CDH13: variants seen among roughly 807,000 people sequenced by gnomAD.
CDH13 encodes cadherin 13, also known as cadherin-13.
CDH13 carries 24 observed loss-of-function variants against 63.8 expected under a neutral mutation model. The observed-to-expected ratio is 0.38, with a 90% CI of 0.27 to 0.53. The LOEUF (loss-of-function observed/expected upper bound fraction) is 0.53. CDH13 is among the 20% of genes least tolerant of loss of function. CDH13 has a pLI of 0.85. For synonymous variants in CDH13, 503 were observed against 355.3 expected, an observed-to-expected ratio of 1.42 and a Z score of -4.67; for missense variants, 1,049 against 903.1, an observed-to-expected ratio of 1.16 and a Z score of -2.07.
chr16:83,515,314 A>T (rs902368442), intron 7 of CDH13, among the ~76,000 whole-genome samples: 1 of 152,184 alleles, frequency 6.6e-6, no homozygotes, highest in Non-Finnish European at 1.5e-5. Context: ...CATTTGCACG[A>T]CATTTCTCTT....
At chr16:83,587,632 T>A (rs930173529) in intron 7 of CDH13, among the ~76,000 whole-genome samples, 2 of 152,178 alleles carry the variant, frequency 1.3e-5, no homozygotes, top group Non-Finnish European at 2.9e-5. Flanking sequence ...AAGAATCACC[T>A]TGCTATTTTA....
intron 5 of CDH13, among the ~76,000 whole-genome samples, chr16:83,285,001 A>T (rs2089273180): frequency 6.6e-6 from 1 of 152,102 alleles, no homozygotes; most frequent in African/African-American, 2.4e-5. Flanking sequence ...TCCCTGCACA[A>T]ATGTTAACTC....
chr16:83,415,461 G>T (rs996014805), intron 6 of CDH13, among the ~76,000 whole-genome samples: 1 of 151,992 alleles, frequency 6.6e-6, no homozygotes, highest in African/African-American at 2.4e-5. Flanking sequence ...AACACCACAA[G>T]AAAAGAAAAC....
intron 4 of CDH13, among the ~76,000 whole-genome samples, chr16:83,201,939 A>C (rs1013069285): frequency 6.6e-6 from 1 of 152,050 alleles, no homozygotes; most frequent in African/African-American, 2.4e-5. Context: ...AAGATTGAGT[A>C]ATGTCAGAGA....
At chr16:82,999,826 C>G (rs59516326) in intron 2 of CDH13, among the ~76,000 whole-genome samples, 2 of 152,296 alleles carry the variant, frequency 1.3e-5, no homozygotes, top group South Asian at 2.1e-4. Flanking sequence ...GACGCTGCCT[C>G]TGCGGTCCTT....
At chr16:82,873,407 A>G (rs758184356) in intron 2 of CDH13, among the ~76,000 whole-genome samples, 1 of 152,196 alleles carries the variant, frequency 6.6e-6, no homozygotes, top group African/African-American at 2.4e-5. Flanking sequence ...ATCTTTCCAT[A>G]TGGAATGCTG....
chr16:83,077,816 C>T (rs191337304), intron 3 of CDH13, among the ~76,000 whole-genome samples: 133 of 152,254 alleles, frequency 8.7e-4, no homozygotes, highest in African/African-American at 3.0e-3. Context: ...GATCCTCTTC[C>T]GGATAACGCG....
chr16:83,475,731 G>A (rs766969069), intron 6 of CDH13, among the ~76,000 whole-genome samples: 8 of 152,096 alleles, frequency 5.3e-5, no homozygotes, highest in Non-Finnish European at 8.8e-5. Flanking sequence ...ACAGGGACAT[G>A]CCACCACGTT....
At chr16:83,392,588 C>T (rs927671159) in intron 6 of CDH13, among the ~76,000 whole-genome samples, 1 of 152,160 alleles carries the variant, frequency 6.6e-6, no homozygotes, top group Non-Finnish European at 1.5e-5. Context: ...CTTAGGTGTG[C>T]ACACAGAAGG....
At chr16:82,811,174 C>T (rs2037424668) in intron 1 of CDH13, among the ~76,000 whole-genome samples, 1 of 152,168 alleles carries the variant, frequency 6.6e-6, no homozygotes, top group Non-Finnish European at 1.5e-5. Flanking sequence ...CTTGTCAAAG[C>T]TGATTACGCG....
chr16:83,068,503 G>A (rs550786408), intron 3 of CDH13, among the ~76,000 whole-genome samples: 11 of 152,194 alleles, frequency 7.2e-5, no homozygotes, highest in Middle Eastern at 6.8e-3. Context: ...GGCTGTATGC[G>A]GTACAATTCT....
intron 5 of CDH13, among the ~76,000 whole-genome samples, chr16:83,270,637 T>C (rs1012562837): frequency 1.8e-4 from 28 of 152,214 alleles, no homozygotes; most frequent in African/African-American, 2.4e-4. Context: ...AAGGCCCTCA[T>C]TGACACAGAT....
chr16:82,693,170 A>T (rs191416395), intron 1 of CDH13, among the ~76,000 whole-genome samples: 38 of 152,180 alleles, frequency 2.5e-4, no homozygotes, highest in Admixed American at 5.2e-4. Flanking sequence ...TTGAGATGAG[A>T]CCCCAGACCT....
At chr16:83,447,824 G>C (rs1410926963) in intron 6 of CDH13, among the ~76,000 whole-genome samples, 3 of 150,556 alleles carry the variant, frequency 2.0e-5, no homozygotes, top group African/African-American at 7.3e-5. Context: ...TGTTTGCCAG[G>C]CACCATAGTT....
chr16:83,245,297 G>A (rs1413782633), intron 5 of CDH13, among the ~76,000 whole-genome samples: 1 of 152,112 alleles, frequency 6.6e-6, no homozygotes, highest in Non-Finnish European at 1.5e-5. Context: ...GTTCTCGTGG[G>A]GAAATGACAT....
chr16:82,678,964 G>A (rs1346445720), intron 1 of CDH13, among the ~76,000 whole-genome samples: 1 of 152,144 alleles, frequency 6.6e-6, no homozygotes, highest in Non-Finnish European at 1.5e-5. Flanking sequence ...CAATTCAACA[G>A]GTAAGAAAGA....
At chr16:83,774,110 G>A (rs1184919288) in intron 11 of CDH13, among the ~76,000 whole-genome samples, 1 of 152,156 alleles carries the variant, frequency 6.6e-6, no homozygotes, top group East Asian at 1.9e-4. Flanking sequence ...CGGCTACTGA[G>A]CTATTCGTCC....
intron 4 of CDH13, among the ~76,000 whole-genome samples, chr16:83,207,840 A>T (rs1309831346): frequency 2.0e-5 from 3 of 152,048 alleles, no homozygotes; most frequent in Admixed American, 6.5e-5. Flanking sequence ...AATGCAAAAA[A>T]CCCAACAATG....
At chr16:83,171,477 C>G in intron 4 of CDH13, 1 of 1,461,148 alleles carries the variant, frequency 6.8e-7, no homozygotes, top group Non-Finnish European at 9.3e-7. Context: ...TTAGGTTACT[C>G]ATTCTATGAA....
Sources: allele counts gnomAD v4.1 joint callset (sites outside exome capture counted in the v4.1 genomes callset), GRCh38; gene constraint gnomAD v4.1.1; transcripts MANE v1.5; gene names NCBI Gene and HGNC (gene_info 2026-07-23, HGNC 2026-07-21).